NTRK3: variants seen among roughly 807,000 people sequenced by gnomAD.
The protein encoded by NTRK3 is NT-3 growth factor receptor.
A neutral mutation model predicts 91.7 loss-of-function variants in NTRK3; 24 were observed. The observed-to-expected ratio is 0.26, with a 90% CI of 0.19 to 0.37. The LOEUF is 0.37. Among genes scored for constraint, NTRK3 ranks in the 10% least tolerant of loss-of-function variants. The probability of loss-of-function intolerance (pLI) is 1.00; values close to 1 mark genes in which losing one functional copy is unlikely to be tolerated. For missense variants in NTRK3, 880 were observed against 1,068.9 expected (o/e 0.82, Z 2.46); for synonymous variants, 483 against 404.0 (o/e 1.20, Z -2.34).
chr15:88,039,188 A>G (rs1481695907), intron 13 of NTRK3, among the ~76,000 whole-genome samples: 1 of 151,304 alleles, frequency 6.6e-6, no homozygotes, highest in East Asian at 1.9e-4. Flanking sequence ...CAGCCCGCCT[A>G]TTACCTGTTA....
chr15:88,176,188 G>A (rs1355891281), intron 5 of NTRK3, among the ~76,000 whole-genome samples: 2 of 135,844 alleles, frequency 1.5e-5, no homozygotes, highest in South Asian at 2.3e-4. Context: ...CCAGGCTGGA[G>A]CCCAGTGGCA....
At position 88,243,668 on chromosome 15, in the gene NTRK3, T is replaced by C. The variant is rs755505285; in HGVS notation, c.248+12238A>G. On this transcript the variant is annotated intron_variant, in intron 3 of 18. Coordinates refer to ENST00000394480, the Ensembl canonical transcript of NTRK3. The surrounding 1 kb of genome is among the most constrained non-coding windows in gnomAD (Gnocchi z 4.8). ...CAGACCAACCCCTACATTTCCCAGG[T>C]AAACAAACTGAGGTTCAGAGATCTG... Among the ~76,000 whole-genome samples the C allele has an allele frequency of 2.0e-5, 3 of 152,122 alleles. No homozygotes were observed. Among genetic ancestry groups the C allele is most frequent in the Non-Finnish European group, 2.9e-5 (2 of 68,032 alleles).
exon 19 of NTRK3, chr15:87,861,268 C>T (rs1311673901): frequency 9.2e-6 from 2 of 218,058 alleles, no homozygotes; most frequent in Non-Finnish European, 1.8e-5. Context: ...AGTACCTAAA[C>T]TTCATTGGCA....
At chr15:88,196,617 C>G (rs1042772365) in intron 3 of NTRK3, among the ~76,000 whole-genome samples, 1 of 152,222 alleles carries the variant, frequency 6.6e-6, no homozygotes, top group African/African-American at 2.4e-5. Flanking sequence ...ATTTAAGGAG[C>G]TGGAGCAGTA....
At chr15:88,126,237 C>A (rs773450708) in intron 13 of NTRK3, 34 bp downstream of exon 13, 12 of 1,434,788 alleles carry the variant, frequency 8.4e-6, no homozygotes, top group South Asian at 3.4e-5. Context: ...TGTTTCCCCC[C>A]ATGACGCCCT....
chr15:88,051,067 G>A (rs534177627), intron 13 of NTRK3, among the ~76,000 whole-genome samples: 2 of 152,280 alleles, frequency 1.3e-5, no homozygotes, highest in Non-Finnish European at 2.9e-5. Flanking sequence ...TTCAAAGACC[G>A]TGGTCATCTA....
chr15:88,172,557 G>A (rs2045616912), intron 5 of NTRK3, among the ~76,000 whole-genome samples: 1 of 152,236 alleles, frequency 6.6e-6, no homozygotes, highest in African/African-American at 2.4e-5. Flanking sequence ...AGGGTTATAA[G>A]AAAATTCTTA....
chr15:88,190,658 C>G (rs1192565415), intron 3 of NTRK3, among the ~76,000 whole-genome samples: 1 of 152,216 alleles, frequency 6.6e-6, no homozygotes, highest in Admixed American at 6.5e-5. Flanking sequence ...TCTGCAGCCT[C>G]TTGGAGCCCA....
intron 17 of NTRK3, among the ~76,000 whole-genome samples, chr15:87,903,356 G>A (rs1177331091): frequency 9.9e-5 from 15 of 152,170 alleles, no homozygotes. Flanking sequence ...CGAGACTAGG[G>A]CAACATTCTC....
chr15:88,229,361 A>C (rs1465917317), intron 3 of NTRK3, among the ~76,000 whole-genome samples: 1 of 152,188 alleles, frequency 6.6e-6, no homozygotes, highest in Admixed American at 6.5e-5. Flanking sequence ...CCTGATCTTT[A>C]CACTCAGGAT....
At chr15:88,183,250 C>G (rs2046667314) in intron 5 of NTRK3, among the ~76,000 whole-genome samples, 168 bp downstream of exon 5, 1 of 152,080 alleles carries the variant, frequency 6.6e-6, no homozygotes. Context: ...GATCATCAAA[C>G]CCAAAATAAT....
chr15:87,872,231 C>T (rs1054341026), exon 19 of NTRK3: 4 of 219,346 alleles, frequency 1.8e-5, no homozygotes, highest in Admixed American at 5.8e-5. Flanking sequence ...CTCCAGATTC[C>T]GAGCAAAGCA....
chr15:87,951,793 G>C (rs1164796191), intron 14 of NTRK3, among the ~76,000 whole-genome samples: 1 of 152,198 alleles, frequency 6.6e-6, no homozygotes, highest in African/African-American at 2.4e-5. Context: ...GTAGAAACTA[G>C]AATCCCCATG....
At chr15:88,068,765 C>A (rs1169109876) in intron 13 of NTRK3, among the ~76,000 whole-genome samples, 1 of 152,030 alleles carries the variant, frequency 6.6e-6, no homozygotes, top group African/African-American at 2.4e-5. Context: ...TCAAAGCAGG[C>A]AGAGCAAGAA....
rs981272111 is a variant in NTRK3 at position 88,107,347 on chromosome 15, G to A, written c.1396+18924C>T. 2.6e-5 allele frequency among the ~76,000 whole-genome samples: 4 copies of A among 152,188 alleles called. 1 individual carries two copies. Among genetic ancestry groups the A allele is most frequent in the Admixed American group, 1.3e-4 (2 of 15,280 alleles). On this transcript the variant is annotated intron_variant, in intron 13 of 18. Transcript: ENST00000394480. ...AGTCCCAGCTACTCAGGAGACTAAAGTGAGAGGATCACTTGAGCCCAGGAG... is the reference window on the plus strand; with the variant it reads ...AGTCCCAGCTACTCAGGAGACTAAAATGAGAGGATCACTTGAGCCCAGGAG...
At chr15:88,183,481 T>C (rs765578547) in exon 5 of NTRK3, 15 of 1,613,954 alleles carry the variant, frequency 9.3e-6, no homozygotes, top group Non-Finnish European at 1.3e-5. Context: ...TCCTGAGTTC[T>C]TGATGGTCCT....
chr15:87,935,557 AT>A (rs1313706251), intron 15 of NTRK3, among the ~76,000 whole-genome samples: 9 of 152,040 alleles, frequency 5.9e-5, no homozygotes, highest in Non-Finnish European at 1.0e-4. Flanking sequence ...TGGTTTATTT[AT>A]TTTCATGCAG....
chr15:87,984,621 C>T lies in NTRK3; in HGVS notation c.1586-43868G>A, dbSNP rs150325412. 8.1e-4 allele frequency among the ~76,000 whole-genome samples: 124 copies of T among 152,280 alleles called. 1 individual carries two copies. Among genetic ancestry groups the T allele is most frequent in the African/African-American group, 2.7e-3 (113 of 41,554 alleles). ...GAGATTGCAAACCTAACCCACAGGC[C>T]GTATATGGCCTTATGATGTGCCTTT... On this transcript the variant is annotated intron_variant, in intron 14 of 18. Coordinates refer to ENST00000394480, the Ensembl canonical transcript of NTRK3.
At chr15:87,877,346 T>C (rs2064995904) in intron 18 of NTRK3, among the ~76,000 whole-genome samples, 1 of 152,144 alleles carries the variant, frequency 6.6e-6, no homozygotes, top group African/African-American at 2.4e-5. Context: ...CTGCCCTTCA[T>C]ACTCCACTTC....
Sources: gnomAD v4.1 joint callset for allele counts (sites outside exome capture counted in the v4.1 genomes callset) on GRCh38, gnomAD v4.1.1 for gene constraint, Gnocchi (gnomAD v3.1) non-coding constraint, MANE v1.5 for transcripts, NCBI Gene and HGNC (gene_info 2026-07-23, HGNC 2026-07-21) for gene names.